The following RPH3A variants were observed in gnomAD, a reference collection of about 807,000 sequenced individuals.
The protein encoded by RPH3A is rabphilin 3A.
RPH3A carries 48 observed loss-of-function variants against 102.2 expected under a neutral mutation model. The observed-to-expected ratio is 0.47, with a 90% CI of 0.37 to 0.60. The LOEUF is 0.60. Among genes scored for constraint, RPH3A ranks in the 20% least tolerant of loss-of-function variants. The pLI is 0.00. For missense variants in RPH3A, 781 were observed against 910.1 expected (o/e 0.86, Z 1.83); for synonymous variants, 310 against 324.3 (o/e 0.96, Z 0.47).
intron 2 of RPH3A, among the ~76,000 whole-genome samples, chr12:112,824,532 A>G (rs1473197220): frequency 1.3e-5 from 2 of 152,102 alleles, no homozygotes; most frequent in Non-Finnish European, 1.5e-5. Context: ...CGGTGGACAC[A>G]TGCCTTCCTG....
intron 1 of RPH3A, among the ~76,000 whole-genome samples, chr12:112,657,430 A>C (rs2040020919): frequency 6.6e-6 from 1 of 152,216 alleles, no homozygotes; most frequent in Non-Finnish European, 1.5e-5. Context: ...AATCAGTGAC[A>C]TAGACATTTA....
At chr12:112,871,453 C>G (rs2136229755) in intron 10 of RPH3A, among the ~76,000 whole-genome samples, 1 of 152,248 alleles carries the variant, frequency 6.6e-6, no homozygotes, top group African/African-American at 2.4e-5. Context: ...AGAATTTGTC[C>G]TTTCATGACT....
At chr12:112,894,092 GACAA>G in intron 19 of RPH3A, 28 of 167,346 alleles carry the variant, frequency 1.7e-4, no homozygotes, top group Non-Finnish European at 3.0e-4. Context: ...GAAGTGGAGT[GACAA>G]TAATCAGATT....
chr12:112,896,839 C>T lies in RPH3A; in HGVS notation c.*59C>T, dbSNP rs919998027. On this transcript the variant is annotated 3_prime_UTR_variant, in exon 22 of 22. Coordinates refer to ENST00000389385, the MANE Select transcript of RPH3A (RefSeq NM_001143854.2). ...GTCCCCCCCAGCCTGCTCTAGCTGC[C>T]CACCGCACCCTGATCTCTCTTCTCT... 10 of 1,595,726 alleles carry T rather than the reference C, an allele frequency of 6.3e-6. No homozygotes were observed. The highest frequency in any genetic ancestry group is 8.6e-6 in the Non-Finnish European group (10 of 1,167,412).
At chr12:112,849,766 C>A (rs1230823193) in intron 5 of RPH3A, among the ~76,000 whole-genome samples, 3 of 152,180 alleles carry the variant, frequency 2.0e-5, no homozygotes, top group Non-Finnish European at 4.4e-5. Context: ...TATCTCCCAA[C>A]TTCTTTCTAC....
At chr12:112,680,149 G>C (rs1172990343) in intron 1 of RPH3A, among the ~76,000 whole-genome samples, 2 of 152,218 alleles carry the variant, frequency 1.3e-5, no homozygotes, top group Non-Finnish European at 2.9e-5. Flanking sequence ...GGTATATGCT[G>C]AGCCTGGAGC....
chr12:112,881,067 C>T (rs562889614), intron 14 of RPH3A, among the ~76,000 whole-genome samples: 13 of 152,080 alleles, frequency 8.5e-5, no homozygotes, highest in South Asian at 4.2e-4. Context: ...GTGTTGTTCA[C>T]GGCCAATTGT....
intron 5 of RPH3A, among the ~76,000 whole-genome samples, chr12:112,864,494 A>G (rs78530683): frequency 6.6e-6 from 1 of 152,188 alleles, no homozygotes; most frequent in East Asian, 1.9e-4. Flanking sequence ...GGGAAAATAT[A>G]AAAGTGTGTG....
chr12:112,790,383 T>G (rs185877771), upstream of RPH3A, among the ~76,000 whole-genome samples: 3 of 152,310 alleles, frequency 2.0e-5, no homozygotes, highest in Non-Finnish European at 4.4e-5. Context: ...AAAAATTGTT[T>G]TTTAAATGAG....
intron 1 of RPH3A, among the ~76,000 whole-genome samples, chr12:112,621,641 G>A (rs910038403): frequency 3.3e-5 from 5 of 151,600 alleles, no homozygotes; most frequent in Admixed American, 1.3e-4. Flanking sequence ...AGGGGCGCCC[G>A]CCATTGCCCA....
intron 1 of RPH3A, among the ~76,000 whole-genome samples, chr12:112,616,816 C>CA (rs2039683652): frequency 1.3e-5 from 2 of 152,202 alleles, no homozygotes; most frequent in African/African-American, 4.8e-5. Context: ...AACCAGTGGC[C>CA]AAATGCTGAT....
intron 1 of RPH3A, among the ~76,000 whole-genome samples, chr12:112,753,396 C>A (rs1400428283): frequency 1.3e-5 from 2 of 152,172 alleles, no homozygotes; most frequent in Non-Finnish European, 2.9e-5. Flanking sequence ...CTGTGGTACA[C>A]ACAGGGGAGG....
intron 1 of RPH3A, among the ~76,000 whole-genome samples, chr12:112,724,697 G>A (rs750120961): frequency 1.3e-4 from 20 of 152,208 alleles, no homozygotes; most frequent in Non-Finnish European, 1.9e-4. Context: ...GGCTGAGCAC[G>A]GTGGCTCACG....
chr12:112,580,649 G>T (rs1025761489), intron 1 of RPH3A, among the ~76,000 whole-genome samples: 6 of 151,812 alleles, frequency 4.0e-5, no homozygotes, highest in Non-Finnish European at 8.8e-5. Flanking sequence ...CTCGTGATCC[G>T]CCCGCCTCGG....
rs534120412 is a variant in RPH3A, at chr12:112,845,117, C to T, written c.84-2579C>T. ...TTCCACTGTATTTAGTTGGTCACAC[C>T]GGATCAGCCTTGATTCAGTATGGGA... On this transcript the variant is annotated intron_variant, in intron 4 of 21. Coordinates refer to ENST00000389385, the MANE Select transcript of RPH3A (RefSeq NM_001143854.2). Among the ~76,000 whole-genome samples, 9 of 152,252 alleles carry T rather than the reference C, an allele frequency of 5.9e-5. No homozygotes were observed. The South Asian group carries it at 6.2e-4, about 11-fold the overall frequency.
chr12:112,759,969 T>C (rs1192578748), intron 1 of RPH3A, among the ~76,000 whole-genome samples: 1 of 152,156 alleles, frequency 6.6e-6, no homozygotes, highest in African/African-American at 2.4e-5. Flanking sequence ...CTGAGTCACG[T>C]CGGCTGGACC....
intron 1 of RPH3A, among the ~76,000 whole-genome samples, chr12:112,705,927 C>T (rs1348124934): frequency 1.3e-5 from 2 of 152,184 alleles, no homozygotes; most frequent in Non-Finnish European, 2.9e-5. Context: ...TATTCAATGG[C>T]TATGACTTGA....
At chr12:112,606,021 G>A (rs2039593895) in intron 1 of RPH3A, among the ~76,000 whole-genome samples, 1 of 152,186 alleles carries the variant, frequency 6.6e-6, no homozygotes, top group Non-Finnish European at 1.5e-5. Context: ...GTGGGGGCGA[G>A]TGATATAATC....
At chr12:112,577,566 G>A (rs1402902491) in intron 1 of RPH3A, among the ~76,000 whole-genome samples, 1 of 152,050 alleles carries the variant, frequency 6.6e-6, no homozygotes, top group Non-Finnish European at 1.5e-5. Context: ...ATCTTGTGCC[G>A]ACCTCCTATC....
Sources: allele counts gnomAD v4.1 joint callset (sites outside exome capture counted in the v4.1 genomes callset), GRCh38; gene constraint gnomAD v4.1.1; transcripts MANE v1.5; gene names NCBI Gene and HGNC (gene_info 2026-07-23, HGNC 2026-07-21).